Variants in CCNI observed in about 807,000 individuals in gnomAD.
CCNI encodes the protein cyclin-I.
Under a neutral mutation model 34.1 loss-of-function variants are expected in CCNI, and 14 were observed. The observed-to-expected ratio is 0.41, with a 90% confidence interval of 0.27 to 0.64. The LOEUF (loss-of-function observed/expected upper bound fraction) is 0.64, where lower values mean the gene tolerates loss of function less well. Ranked by LOEUF, CCNI falls within the 30% of genes least tolerant of loss-of-function variation. The pLI, the probability that CCNI is intolerant of heterozygous loss-of-function variation, is 0.31. For missense variants in CCNI, 385 were observed against 440.5 expected, an observed-to-expected ratio of 0.87 and a Z score of 1.13; for synonymous variants, 154 against 158.4, an observed-to-expected ratio of 0.97 and a Z score of 0.21.
At chr4:77,072,293 A>T (rs894769758) in intron 1 of CCNI, among the ~76,000 whole-genome samples, 1 of 151,960 alleles carries the variant, frequency 6.6e-6, no homozygotes, top group Non-Finnish European at 1.5e-5. Flanking sequence ...AGAAAAAGTA[A>T]AACGAGGTAA....
chr4:77,063,594 G>A (rs985226808), intron 2 of CCNI, among the ~76,000 whole-genome samples: 1 of 151,790 alleles, frequency 6.6e-6, no homozygotes, highest in Non-Finnish European at 1.5e-5. Context: ...GGAGGCTGAG[G>A]CAGGAGAATA....
chr4:77,049,681 T>TAA lies in CCNI; in HGVS notation c.691-1021_691-1020dup, dbSNP rs34290249. Among the ~76,000 whole-genome samples the TAA allele has an allele frequency of 1.7e-3, 232 of 136,216 alleles. 1 individual carries two copies. The Middle Eastern group carries it at 0.019, about 11-fold the overall frequency. The allele number at this position is 136,216 out of a possible 152,430, so 89.4% of individuals were successfully genotyped here. ...CAACAGACAGAGCAAGACTCTGTCT[T>TAA]AAAAAAAAAAAAAAAAGACACTAAA... is the stretch of plus-strand genomic sequence containing the variant. On this transcript the variant is annotated intron_variant, in intron 6 of 6. Coordinates refer to ENST00000237654, the MANE Select transcript of CCNI (RefSeq NM_006835.3).
chr4:77,059,566 T>C (rs1728464576), intron 2 of CCNI, among the ~76,000 whole-genome samples: 1 of 152,042 alleles, frequency 6.6e-6, no homozygotes, highest in African/African-American at 2.4e-5. Flanking sequence ...CATCTCTAAA[T>C]GTATAATTCA....
At chr4:77,058,925 A>G (rs1035395789) in intron 2 of CCNI, among the ~76,000 whole-genome samples, 4 of 152,100 alleles carry the variant, frequency 2.6e-5, no homozygotes, top group East Asian at 1.9e-4. Context: ...ATAACATTTT[A>G]AAGTTTAAGT....
chr4:77,075,481 C>CTCT lies in CCNI; in HGVS notation c.-56_-54dup. ...CGCCCCCGCCCCTCACCTTCTCCTC[C>CTCT]TCTTCCTCCTCCTCCTCCTCCCCGG... On this transcript the variant is annotated 5_prime_UTR_variant, in exon 1 of 7. Coordinates refer to ENST00000237654, the MANE Select transcript of CCNI (RefSeq NM_006835.3). The CTCT allele has an allele frequency of 1.0e-6, 1 of 976,926 alleles. No individual in the cohort carries two copies. Among genetic ancestry groups the CTCT allele is most frequent in the Non-Finnish European group, 1.2e-6 (1 of 821,270 alleles). The allele number at this position is 976,926 out of a possible 1,614,324, so 60.5% of individuals were successfully genotyped here. A position where few individuals can be genotyped will look rare whatever the true frequency, so the allele number is the denominator to read the frequency against.
At chr4:77,056,926 A>G (rs150803185) in intron 3 of CCNI, among the ~76,000 whole-genome samples, 82 of 152,262 alleles carry the variant, frequency 5.4e-4, no homozygotes, top group African/African-American at 1.7e-3. Context: ...TCCTAGCCAT[A>G]TGATATTCTA....
chr4:77,047,472 T>C lies in CCNI; in HGVS notation c.*747A>G, dbSNP rs1727513181. 1 of 152,208 alleles carries C rather than the reference T, an allele frequency of 6.6e-6. No homozygotes were observed. Among genetic ancestry groups the C allele is most frequent in the Non-Finnish European group, 1.5e-5 (1 of 68,034 alleles). The allele number at this position is 152,208 out of a possible 1,614,324, so 9.4% of individuals were successfully genotyped here. ...CTAATTTAAGTTGTTAATACATGTT[T>C]CTTTGGTGAGCACCTGGATATATTT... On this transcript the variant is annotated 3_prime_UTR_variant, in exon 7 of 7. Transcript: ENST00000237654.
chr4:77,056,358 G>T, intron 3 of CCNI, 35 bp from the exon 4 acceptor site: 1 of 1,503,152 alleles, frequency 6.7e-7, no homozygotes, highest in Non-Finnish European at 9.3e-7. Flanking sequence ...CAACTTTAGT[G>T]ATTTTTCAAA....
At chr4:77,069,074 A>T (rs1318855993) in intron 1 of CCNI, among the ~76,000 whole-genome samples, 1 of 152,200 alleles carries the variant, frequency 6.6e-6, no homozygotes, top group Non-Finnish European at 1.5e-5. Flanking sequence ...AAAACTCTTG[A>T]TTCTTTAATC....
At chr4:77,051,878 G>C (rs947245562) in intron 6 of CCNI, among the ~76,000 whole-genome samples, 5 of 151,886 alleles carry the variant, frequency 3.3e-5, no homozygotes, top group Non-Finnish European at 7.4e-5. Flanking sequence ...AAGCACTGAG[G>C]AACCTGCTGG....
intron 6 of CCNI, among the ~76,000 whole-genome samples, chr4:77,049,127 T>C (rs4252944): frequency 4.6e-5 from 7 of 152,080 alleles, no homozygotes; most frequent in Non-Finnish European, 5.9e-5. Context: ...AAATTTTTTT[T>C]AATCAGGGAT....
rs372347507 is a variant in CCNI, at chr4:77,066,280, T to C, written c.83A>G (p.Lys28Arg). 6.2e-7 allele frequency: 1 copy of C among 1,614,112 alleles called. No individual in the cohort carries two copies. Among genetic ancestry groups the C allele is most frequent in the Non-Finnish European group, 8.5e-7 (1 of 1,179,974 alleles). The change falls in exon 2 of 7, where the codon AAA becomes AGA. Residue 28 changes from lysine (K) to arginine (R), a missense_variant. Physicochemically the swap from Lys to Arg is conservative, Grantham distance 26 (BLOSUM62 2). Transcript: ENST00000237654. ...KAITREAQMWKVNVRKMPSNQ... is the reference protein window; with the variant it reads ...KAITREAQMWRVNVRKMPSNQ... The stretch of plus-strand genomic sequence containing the variant: ...TGAAGGCATTTTCCGCACATTCACT[T>C]TCCACATCTGTGCTTCCCTAGTGAT...
At chr4:77,068,559 T>G (rs1328162683) in intron 1 of CCNI, among the ~76,000 whole-genome samples, 1 of 151,962 alleles carries the variant, frequency 6.6e-6, no homozygotes, top group Non-Finnish European at 1.5e-5. Flanking sequence ...CTCTGCAGAG[T>G]AAGAAAAGGG....
chr4:77,048,966 T>G (rs1277752586), intron 6 of CCNI, among the ~76,000 whole-genome samples: 2 of 119,546 alleles, frequency 1.7e-5, no homozygotes, highest in Non-Finnish European at 3.1e-5. Flanking sequence ...ACGTCTGTTT[T>G]TTTTTTTTTT....
At chr4:77,068,448 A>G (rs1012473030) in intron 1 of CCNI, among the ~76,000 whole-genome samples, 4 of 152,224 alleles carry the variant, frequency 2.6e-5, no homozygotes, top group Non-Finnish European at 5.9e-5. Flanking sequence ...AAATTCATAA[A>G]TATCTCAAAC....
chr4:77,051,113 T>C (rs569375863), intron 6 of CCNI, among the ~76,000 whole-genome samples: 2 of 152,162 alleles, frequency 1.3e-5, no homozygotes, highest in African/African-American at 4.8e-5. Context: ...TCTGTGTAGA[T>C]TCAATGTAGT....
intron 5 of CCNI, 74 bp downstream of exon 5, chr4:77,055,888 T>C (rs1728186738): frequency 8.2e-7 from 1 of 1,215,496 alleles, no homozygotes; most frequent in South Asian, 1.5e-5. Flanking sequence ...AATAAATGAG[T>C]AGGCAATCTA....
At chr4:77,067,322 G>C (rs567764791) in intron 1 of CCNI, among the ~76,000 whole-genome samples, 18 of 151,994 alleles carry the variant, frequency 1.2e-4, no homozygotes, top group Non-Finnish European at 2.2e-4. Context: ...ATACTATATC[G>C]GACAGTGCAC....
chr4:77,075,315 C>G (rs888281850), intron 1 of CCNI, 157 bp downstream of exon 1: 1 of 160,584 alleles, frequency 6.2e-6, no homozygotes, highest in Non-Finnish European at 1.3e-5. Flanking sequence ...CCCCGAGGTT[C>G]CCCGGGCTGG....
Sources: gnomAD v4.1 joint callset for allele counts (sites outside exome capture counted in the v4.1 genomes callset) on GRCh38, gnomAD v4.1.1 for gene constraint, MANE v1.5 for transcripts, NCBI Gene and HGNC (gene_info 2026-07-23, HGNC 2026-07-21) for gene names.